CD300LD: variants seen among roughly 807,000 people sequenced by gnomAD.
CD300LD encodes the protein CMRF35-like molecule 5.
In CD300LD, 18 loss-of-function variants were observed where a neutral mutation model predicts 20.3. That is an observed-to-expected ratio of 0.89 (90% CI 0.61 to 1.32). The LOEUF is 1.32. Ranked by LOEUF, CD300LD falls within the 40% of genes most tolerant of loss-of-function variation. CD300LD has a pLI of 0.00. For synonymous variants in CD300LD, 104 were observed against 90.1 expected, an observed-to-expected ratio of 1.15 and a Z score of -0.87; for missense variants, 195 against 226.6, an observed-to-expected ratio of 0.86 and a Z score of 0.90.
At chr17:74,582,704 G>T (rs2030063831) in intron 2 of CD300LD, among the ~76,000 whole-genome samples, 1 of 152,270 alleles carries the variant, frequency 6.6e-6, no homozygotes, top group East Asian at 1.9e-4. Flanking sequence ...CTTCTGGAGA[G>T]CCCCGGATTC....
intron 2 of CD300LD, among the ~76,000 whole-genome samples, chr17:74,582,512 C>G (rs1273612301): frequency 2.6e-5 from 4 of 152,226 alleles, no homozygotes; most frequent in African/African-American, 9.6e-5. Flanking sequence ...TTCTGAGGAG[C>G]AGACTAAGGA....
intron 3 of CD300LD, among the ~76,000 whole-genome samples, chr17:74,580,608 C>A (rs989107905): frequency 1.3e-5 from 2 of 152,150 alleles, no homozygotes; most frequent in Non-Finnish European, 2.9e-5. Flanking sequence ...CTTATGTTCC[C>A]TGTTACTTTC....
intron 2 of CD300LD, 149 bp from the exon 3 acceptor site, chr17:74,582,460 A>G (rs2030057942): frequency 1.7e-6 from 1 of 579,238 alleles, no homozygotes; most frequent in Non-Finnish European, 3.1e-6. Context: ...TACATGAATT[A>G]TCTTCTAAAG....
At chr17:74,579,275 GA>G (rs1263320191), downstream of CD300LD, 2 of 152,160 alleles carry the variant, frequency 1.3e-5, no homozygotes, top group African/African-American at 4.8e-5. Flanking sequence ...TTAGGATTTT[GA>G]AACCCATTAT....
At chr17:74,588,899 C>T in intron 1 of CD300LD, 50 bp from the exon 2 acceptor site, 1 of 1,390,606 alleles carries the variant, frequency 7.2e-7, no homozygotes, top group Middle Eastern at 1.8e-4. Context: ...AAGGGCAGGG[C>T]CACAGCCTCG....
chr17:74,591,930 C>T, intron 1 of CD300LD: 1 of 1,234,846 alleles, frequency 8.1e-7, no homozygotes, highest in African/African-American at 1.5e-5. Context: ...TTGAGAACCA[C>T]TGTTCCAACA....
intron 1 of CD300LD, among the ~76,000 whole-genome samples, chr17:74,590,061 T>C (rs550999360): frequency 6.6e-6 from 1 of 152,318 alleles, no homozygotes; most frequent in East Asian, 1.9e-4. Flanking sequence ...GAATTGTAGC[T>C]CCCATAATTT....
At chr17:74,581,269 A>T (rs1365964458) in intron 3 of CD300LD, among the ~76,000 whole-genome samples, 2 of 152,160 alleles carry the variant, frequency 1.3e-5, no homozygotes, top group Non-Finnish European at 2.9e-5. Context: ...GAATAAAAAA[A>T]AAAAAACAGA....
rs927346864 is a variant in CD300LD, at chr17:74,588,953, A to G, written c.41-104T>C. ...CAAATCCAACTGCCTTATAACAGTC[A>G]AGGAAGCAATACATTTTCCTCAAGA... On this transcript the variant is annotated intron_variant, in intron 1 of 3. Transcript: ENST00000375352. 1.2e-5 allele frequency: 9 copies of G among 745,332 alleles called. No homozygotes were observed. In the African/African-American group the frequency reaches 1.2e-4, roughly 10 times the overall value. 46.2% of individuals were successfully genotyped at this position (745,332 alleles called of 1,614,324 possible).
chr17:74,586,331 T>A (rs2030157492), intron 2 of CD300LD, among the ~76,000 whole-genome samples: 1 of 152,170 alleles, frequency 6.6e-6, no homozygotes, highest in South Asian at 2.1e-4. Flanking sequence ...GAAAATGTTA[T>A]AATTGTGGAA....
chr17:74,585,282 T>G (rs559337701), intron 2 of CD300LD, among the ~76,000 whole-genome samples: 19 of 152,300 alleles, frequency 1.2e-4, no homozygotes, highest in African/African-American at 4.6e-4. Flanking sequence ...TTGTTTTTTC[T>G]GCTTGGAGTT....
intron 1 of CD300LD, chr17:74,591,944 A>G (rs1470888220): frequency 7.4e-7 from 1 of 1,355,876 alleles, no homozygotes; most frequent in African/African-American, 1.5e-5. Context: ...TCCAACAAGA[A>G]GCTATACTTG....
intron 2 of CD300LD, 76 bp downstream of exon 2, chr17:74,588,435 T>C (rs948054487): frequency 1.1e-6 from 1 of 918,178 alleles, no homozygotes; most frequent in African/African-American, 1.7e-5. Context: ...TGACAGTTAA[T>C]TTACTCAAGT....
At position 74,579,889 on chromosome 17, in the gene CD300LD, A is replaced by C. The variant is rs760743919; in HGVS notation, c.*113T>G. On this transcript the variant is annotated 3_prime_UTR_variant, in exon 4 of 4. Transcript: ENST00000375352. Reference sequence around the variant, plus strand: ...GACAGAGCAAGACTCTATCTCTAGAAAGAAAAAAAGAAGAGAAAAGAAAAT... The same window carrying C: ...GACAGAGCAAGACTCTATCTCTAGACAGAAAAAAAGAAGAGAAAAGAAAAT... The C allele has an allele frequency of 1.6e-5, 10 of 619,670 alleles. No individual in the cohort carries two copies. Among genetic ancestry groups the C allele is most frequent in the Non-Finnish European group, 2.6e-5 (9 of 350,546 alleles). The allele number at this position is 619,670 out of a possible 1,614,324, so 38.4% of individuals were successfully genotyped here.
rs564309086 is a variant in CD300LD at position 74,579,846 on chromosome 17, T to C, written c.*156A>G. 1.0e-4 allele frequency: 52 copies of C among 502,380 alleles called. No homozygotes were observed. Among genetic ancestry groups the C allele is most frequent in the East Asian group, 5.1e-4 (14 of 27,714 alleles). The allele number at this position is 502,380 out of a possible 1,614,324, so 31.1% of individuals were successfully genotyped here. On this transcript the variant is annotated 3_prime_UTR_variant, in exon 4 of 4. Coordinates refer to ENST00000375352, the MANE Select transcript of CD300LD (RefSeq NM_001115152.2). ...GTTGCAGTGAGCAGAGATTACACCA[T>C]TGCATTCCAGCCTGGGTGACAGAGC...
At chr17:74,585,070 C>A (rs1213887305) in intron 2 of CD300LD, 2 of 152,256 alleles carry the variant, frequency 1.3e-5, no homozygotes, top group East Asian at 3.9e-4. Flanking sequence ...TATTGAGGTG[C>A]AACATTATGT....
intron 1 of CD300LD, 72 bp from the exon 2 acceptor site, chr17:74,588,921 T>C (rs2143294577): frequency 2.8e-6 from 3 of 1,070,720 alleles, no homozygotes; most frequent in Non-Finnish European, 2.8e-6. Flanking sequence ...GCATTGGGAG[T>C]AGCAGCCAAA....
chr17:74,585,506 C>A (rs550754003), intron 2 of CD300LD, among the ~76,000 whole-genome samples: 1 of 152,150 alleles, frequency 6.6e-6, no homozygotes, highest in Admixed American at 6.5e-5. Context: ...GAAATAGAGA[C>A]CCCAATACAA....
chr17:74,579,794 A>C lies in CD300LD; in HGVS notation c.*208T>G. The C allele has an allele frequency of 2.9e-6, 1 of 346,004 alleles. No homozygotes were observed. The highest frequency in any genetic ancestry group is 3.5e-5 in the South Asian group (1 of 28,312). 21.4% of individuals were successfully genotyped at this position (346,004 alleles called of 1,614,324 possible). ...CAGCTACTCTGGAGGTTGAGGCAGG[A>C]GGATCGCTTGAGCCTGGGAGGGGAA... On this transcript the variant is annotated 3_prime_UTR_variant, in exon 4 of 4. Coordinates refer to ENST00000375352, the MANE Select transcript of CD300LD (RefSeq NM_001115152.2).
Sources: gnomAD v4.1 joint callset for allele counts (sites outside exome capture counted in the v4.1 genomes callset) on GRCh38, gnomAD v4.1.1 for gene constraint, MANE v1.5 for transcripts, NCBI Gene and HGNC (gene_info 2026-07-23, HGNC 2026-07-21) for gene names.